Variants in ITGB1 observed in about 807,000 individuals in gnomAD.
ITGB1 encodes integrin beta-1.
In ITGB1, 24 loss-of-function variants were observed where a neutral mutation model predicts 86.5. The ratio of observed to expected loss-of-function variants is 0.28; its 90% CI spans 0.20 to 0.39. The LOEUF is 0.39. Among genes scored for constraint, ITGB1 ranks in the 10% least tolerant of loss-of-function variants. ITGB1 has a pLI of 1.00. For missense variants in ITGB1, 556 were observed against 946.9 expected, an observed-to-expected ratio of 0.59 and a Z score of 5.42; for synonymous variants, 323 against 316.8, an observed-to-expected ratio of 1.02 and a Z score of -0.21.
rs542886836 is a variant in ITGB1, at chr10:32,932,584, T to A, written c.84A>T (p.Leu28Phe). Residue 28 changes from leucine (L) to phenylalanine (F), a missense_variant, in exon 3 of 16, where the codon TTA (leucine) becomes TTT (phenylalanine). Coordinates refer to ENST00000302278, the MANE Select transcript of ITGB1 (RefSeq NM_002211.4). Reference protein sequence around the residue: ...VFAQTDENRCLKANAKSCGEC... With the variant: ...VFAQTDENRCFKANAKSCGEC... ...CTCCACATGATTTGGCATTTGCTTT[T>A]AAACATCTATTTTCATCTGTCAGAA... The A allele has an allele frequency of 1.9e-6, 3 of 1,594,666 alleles. No individual in the cohort carries two copies. The highest frequency in any genetic ancestry group is 2.6e-6 in the Non-Finnish European group (3 of 1,162,532).
rs754187364 is a variant in ITGB1, at chr10:32,935,600, A to C, written c.1-42T>G. ...GCCTTATATTAGTTATAAAGAAATA[A>C]AATGAAAAATGCATTAAATAGAAAG... On this transcript the variant is annotated intron_variant, in intron 1 of 15. Coordinates refer to ENST00000302278, the MANE Select transcript of ITGB1 (RefSeq NM_002211.4). 2.2e-6 allele frequency: 3 copies of C among 1,348,234 alleles called. 1 individual carries two copies. The South Asian group carries it at 3.6e-5, about 16-fold the overall frequency. The allele number at this position is 1,348,234 out of a possible 1,614,324, so 83.5% of individuals were successfully genotyped here. A position where few individuals can be genotyped will look rare whatever the true frequency, so the allele number is the denominator to read the frequency against.
At chr10:32,923,835 C>T in intron 6 of ITGB1, 95 bp from the exon 7 acceptor site, 1 of 1,012,444 alleles carries the variant, frequency 9.9e-7, no homozygotes, top group Non-Finnish European at 1.4e-6. Flanking sequence ...GTATTTTTAA[C>T]CTAATTCTGT....
chr10:32,905,458 A>T (rs2094893425), intron 15 of ITGB1, among the ~76,000 whole-genome samples: 1 of 152,264 alleles, frequency 6.6e-6, no homozygotes, highest in South Asian at 2.1e-4. Context: ...TAACTCTGAC[A>T]GAGTAACAAC....
intron 1 of ITGB1, among the ~76,000 whole-genome samples, chr10:32,957,437 G>A (rs1380933501): frequency 6.6e-6 from 1 of 152,198 alleles, no homozygotes; most frequent in Non-Finnish European, 1.5e-5. Context: ...CTGGTCCCGG[G>A]GTGCCCGGCA....
chr10:32,948,006 AT>A (rs35342363), intron 1 of ITGB1, among the ~76,000 whole-genome samples: 50,168 of 147,666 alleles, frequency 0.34, 10,267 homozygotes, highest in Non-Finnish European at 0.48. Context: ...CTATGGTTGA[AT>A]TTTTTTTTTT....
chr10:32,928,365 A>C (rs1470173218), intron 4 of ITGB1, 101 bp from the exon 5 acceptor site: 1 of 598,186 alleles, frequency 1.7e-6, no homozygotes, highest in African/African-American at 1.9e-5. Flanking sequence ...ACACAATAAA[A>C]TAAAACATGT....
In ITGB1 at chr10:32,926,130, C is replaced by A. The variant is rs79847908; in HGVS notation, c.548-21G>T. On this transcript the variant is annotated intron_variant, in intron 5 of 15. Transcript: ENST00000302278. ...AAATCCTGCCAAGAAAAAAATGGTA[C>A]ATAAATGAATGAATGGATGGATAGA... 219 of 1,515,868 alleles carry A rather than the reference C, an allele frequency of 1.4e-4. 2 individuals carry two copies. The East Asian group carries it at 4.9e-3, about 34-fold the overall frequency. 93.9% of individuals were successfully genotyped at this position (1,515,868 alleles called of 1,614,324 possible).
At chr10:32,902,216 C>A (rs774981149) in intron 15 of ITGB1, among the ~76,000 whole-genome samples, 5 of 152,124 alleles carry the variant, frequency 3.3e-5, no homozygotes, top group Non-Finnish European at 7.3e-5. Context: ...AATTACCATT[C>A]CTTATGAAAT....
intron 12 of ITGB1, 33 bp from the exon 13 acceptor site, chr10:32,911,703 A>G: frequency 1.9e-6 from 3 of 1,597,358 alleles, no homozygotes; most frequent in Non-Finnish European, 2.6e-6. Context: ...TCAAAATGGT[A>G]AAAATATACA....
intron 11 of ITGB1, among the ~76,000 whole-genome samples, chr10:32,916,838 C>G (rs2094933201): frequency 6.6e-6 from 1 of 152,190 alleles, no homozygotes; most frequent in Non-Finnish European, 1.5e-5. Context: ...TTGGAAAAAA[C>G]TACTTTAAAG....
At position 32,932,594 on chromosome 10, in the gene ITGB1, T is replaced by C. The variant is rs756514419; in HGVS notation, c.74A>G (p.Asn25Ser). 1 of 1,575,598 alleles carries C rather than the reference T, an allele frequency of 6.3e-7. No homozygotes were observed. The highest frequency in any genetic ancestry group is 1.7e-5 in the Admixed American group (1 of 59,890). ...TTTGGCATTTGCTTTTAAACATCTA[T>C]TTTCATCTGTCAGAAAGAAGAAAGA... ...VCCVFAQTDE[N>S]RCLKANAKSC... The change falls in exon 3 of 16, where the codon AAT (asparagine) becomes AGT (serine). Residue 25 changes from asparagine (N) to serine (S), a missense_variant. Physicochemically the swap from Asn to Ser is conservative, Grantham distance 46 (BLOSUM62 1). Around this residue, in one of 4 missense-constraint regions of ITGB1, gnomAD observed 183 missense variants for 263.9 expected, o/e 0.69. Coordinates refer to ENST00000302278, the MANE Select transcript of ITGB1 (RefSeq NM_002211.4).
intron 15 of ITGB1, chr10:32,906,494 G>T: frequency 4.4e-6 from 1 of 226,188 alleles, no homozygotes; most frequent in Non-Finnish European, 9.4e-6. Flanking sequence ...GGAGGCTGAG[G>T]CAGGAGAATT....
intron 1 of ITGB1, among the ~76,000 whole-genome samples, chr10:32,954,373 A>C (rs1250058086): frequency 2.6e-5 from 4 of 152,118 alleles, no homozygotes; most frequent in Admixed American, 1.3e-4. Context: ...AAGTCTTATC[A>C]GTTCTCCCTC....
intron 1 of ITGB1, among the ~76,000 whole-genome samples, chr10:32,948,641 G>A (rs1379061904): frequency 6.6e-6 from 1 of 152,178 alleles, no homozygotes; most frequent in Non-Finnish European, 1.5e-5. Context: ...TACCACAGGA[G>A]TGGAGAATGG....
rs2094908873 is a variant in ITGB1, at chr10:32,910,265, T to C, written c.2122A>G (p.Asn708Asp). 1 of 1,608,694 alleles carries C rather than the reference T, an allele frequency of 6.2e-7. No homozygotes were observed. The highest frequency in any genetic ancestry group is 8.5e-7 in the Non-Finnish European group (1 of 1,176,208). ...TGAACCATGACCTCGTTGTTCCCAT[T>C]CACTGAATACGTAAAATAGAACCAA... is the stretch of plus-strand genomic sequence containing the variant. ...DCWFYFTYSV[N>D]GNNEVMVHVV... The change falls in exon 14 of 16, where the codon AAT (asparagine) becomes GAT (aspartate). Residue 708 changes from asparagine (N) to aspartate (D), a missense_variant. This residue lies in a region of ITGB1 where 330 missense variants were observed against 531.5 expected (regional missense o/e 0.62). Transcript: ENST00000302278.
intron 3 of ITGB1, among the ~76,000 whole-genome samples, chr10:32,931,032 A>G (rs568960367): frequency 5.7e-4 from 87 of 152,288 alleles, no homozygotes; most frequent in Admixed American, 9.2e-4. Flanking sequence ...GTAAGTGAAG[A>G]TATTTAAATT....
At chr10:32,948,222 T>G (rs2095035810) in intron 1 of ITGB1, among the ~76,000 whole-genome samples, 2 of 152,184 alleles carry the variant, frequency 1.3e-5, no homozygotes, top group African/African-American at 4.8e-5. Flanking sequence ...CCAAGTAGAA[T>G]TCTATTTAAT....
At chr10:32,928,461 C>A (rs544102724) in intron 4 of ITGB1, among the ~76,000 whole-genome samples, 197 bp from the exon 5 acceptor site, 2 of 152,300 alleles carry the variant, frequency 1.3e-5, no homozygotes, top group African/African-American at 4.8e-5. Flanking sequence ...ACTTTAAACA[C>A]CAGGCCTTCA....
chr10:32,914,302 T>C (rs1020084561), intron 11 of ITGB1, among the ~76,000 whole-genome samples: 2 of 152,124 alleles, frequency 1.3e-5, no homozygotes, highest in Non-Finnish European at 2.9e-5. Flanking sequence ...AGGATCAAAT[T>C]CACACATAAC....
Sources: gnomAD v4.1 joint callset for allele counts (sites outside exome capture counted in the v4.1 genomes callset) on GRCh38, gnomAD v4.1.1 for gene constraint, gnomAD v4.1.1 regional missense constraint, MANE v1.5 for transcripts, NCBI Gene and HGNC (gene_info 2026-07-23, HGNC 2026-07-21) for gene names.